The following DENND5A variants were observed in gnomAD, a reference collection of about 807,000 sequenced individuals.
DENND5A encodes DENN domain-containing protein 5A.
A neutral mutation model predicts 140.3 loss-of-function variants in DENND5A; 64 were observed. That is an observed-to-expected ratio of 0.46 (90% confidence interval 0.37 to 0.56). The LOEUF (loss-of-function observed/expected upper bound fraction) is 0.56. Ranked by LOEUF, DENND5A falls within the 20% of genes least tolerant of loss-of-function variation. The pLI is 0.00. For missense variants in DENND5A, 1,292 were observed against 1,593.8 expected (o/e 0.81, Z 3.22); for synonymous variants, 605 against 607.7 (o/e 1.00, Z 0.07).
intron 4 of DENND5A, among the ~76,000 whole-genome samples, chr11:9,200,397 C>A (rs7109911): frequency 2.0e-5 from 3 of 152,032 alleles, no homozygotes; most frequent in African/African-American, 7.2e-5. Flanking sequence ...AGAGGAGGCT[C>A]TAACTTCGTA....
chr11:9,243,062 T>TG (rs370325487), intron 1 of DENND5A, among the ~76,000 whole-genome samples: 7 of 118,984 alleles, frequency 5.9e-5, no homozygotes, highest in African/African-American at 1.6e-4. Context: ...CACTCCAGCC[T>TG]GGGCGACACA....
intron 22 of DENND5A, 56 bp from the exon 23 acceptor site, chr11:9,139,910 G>C (rs1311227096): frequency 1.9e-6 from 3 of 1,549,164 alleles, no homozygotes; most frequent in Non-Finnish European, 2.7e-6. Context: ...AAGGAAGAGA[G>C]AGCGTTAGTG....
In DENND5A at chr11:9,193,926, T is replaced by C. The variant is rs146501525; in HGVS notation, c.950-245A>G. On this transcript the variant is annotated intron_variant, in intron 4 of 22. Coordinates refer to ENST00000328194, the MANE Select transcript of DENND5A (RefSeq NM_015213.4). The stretch of plus-strand genomic sequence containing the variant: ...GGTCCTTGCTCATAATAAAATCTAA[T>C]ATGGAAATACAACAAAAATAATTAA... Among the ~76,000 whole-genome samples the C allele has an allele frequency of 1.2e-4, 19 of 152,232 alleles. No homozygotes were observed. In the East Asian group the frequency reaches 3.5e-3, roughly 28 times the overall value.
chr11:9,247,312 TG>T (rs1174208762), intron 1 of DENND5A, among the ~76,000 whole-genome samples: 1 of 152,020 alleles, frequency 6.6e-6, no homozygotes, highest in African/African-American at 2.4e-5. Context: ...CCTCCTTGCT[TG>T]GCACCCTGCA....
At chr11:9,152,673 A>T (rs1044197440) in intron 12 of DENND5A, among the ~76,000 whole-genome samples, 2 of 152,174 alleles carry the variant, frequency 1.3e-5, no homozygotes, top group African/African-American at 4.8e-5. Context: ...TAGAAAGGAG[A>T]TGGGAAAGAG....
chr11:9,139,948 A>C lies in DENND5A; in HGVS notation c.3681-94T>G. On this transcript the variant is annotated intron_variant, in intron 22 of 22. Coordinates refer to ENST00000328194, the MANE Select transcript of DENND5A (RefSeq NM_015213.4). ...AGGCCAAGGGGGAAACCATGAACTA[A>C]GTCTGAAGCTGGAGAAGCTGACAGC... is the stretch of plus-strand genomic sequence containing the variant. 2.3e-6 allele frequency: 3 copies of C among 1,304,592 alleles called. No individual in the cohort carries two copies. The South Asian group carries it at 4.1e-5, about 18-fold the overall frequency. 80.8% of individuals were successfully genotyped at this position (1,304,592 alleles called of 1,614,324 possible).
intron 1 of DENND5A, among the ~76,000 whole-genome samples, chr11:9,239,121 T>C (rs1447310026): frequency 6.6e-6 from 1 of 152,038 alleles, no homozygotes; most frequent in Admixed American, 6.6e-5. Flanking sequence ...TGTGAGCCAC[T>C]GCGCCCGGCC....
Position 9,264,962 on chromosome 11 carries a change from C to A in DENND5A, c.108G>T (p.Ser36=). ...GCCCCGGGCTCGGCGCGCACTCACCCGACAGCTCGTCCGGCTCCAGCCCGG... is the reference window on the plus strand; with the variant it reads ...GCCCCGGGCTCGGCGCGCACTCACCAGACAGCTCGTCCGGCTCCAGCCCGG... ...TETGLEPDEL[S]ALCQYIQASK... The change falls in exon 1 of 23, where the codon TCG becomes TCT. Residue 36 remains serine, a splice_region_variant and synonymous_variant. Transcript: ENST00000328194. The A allele has an allele frequency of 6.3e-7, 1 of 1,578,532 alleles. No homozygotes were observed. Among genetic ancestry groups the A allele is most frequent in the African/African-American group, 1.4e-5 (1 of 72,624 alleles).
intron 1 of DENND5A, among the ~76,000 whole-genome samples, chr11:9,240,706 T>C (rs1851199886): frequency 6.9e-6 from 1 of 145,218 alleles, no homozygotes; most frequent in African/African-American, 2.5e-5. Context: ...TGAGACCCTG[T>C]CTCAAAACAA....
intron 1 of DENND5A, among the ~76,000 whole-genome samples, chr11:9,251,691 T>C (rs1851726087): frequency 6.6e-6 from 1 of 152,158 alleles, no homozygotes; most frequent in African/African-American, 2.4e-5. Context: ...ACTTAGTAAC[T>C]TTTAAGAACT....
chr11:9,241,223 T>G (rs1029791251), intron 1 of DENND5A, among the ~76,000 whole-genome samples: 1 of 152,306 alleles, frequency 6.6e-6, no homozygotes, highest in East Asian at 1.9e-4. Context: ...TGCAGTCATG[T>G]AGGTGCGTAA....
chr11:9,168,092 ATT>A (rs11285106), intron 10 of DENND5A, among the ~76,000 whole-genome samples: 31 of 141,912 alleles, frequency 2.2e-4, no homozygotes, highest in East Asian at 6.1e-4. Context: ...AACCTCAGTG[ATT>A]TTTTTTTTTT....
At chr11:9,170,017 G>C in intron 9 of DENND5A, 68 bp from the exon 10 acceptor site, 1 of 1,137,336 alleles carries the variant, frequency 8.8e-7, no homozygotes, top group South Asian at 1.2e-5. Flanking sequence ...CAACTAACAG[G>C]AGAAAACATG....
At chr11:9,174,102 C>CAAAAAAAAAAAAAAAA (rs57703622) in intron 8 of DENND5A, among the ~76,000 whole-genome samples, 4 of 42,150 alleles carry the variant, frequency 9.5e-5, no homozygotes, top group Admixed American at 4.3e-4. Flanking sequence ...GACTCCGTCT[C>CAAAAAAAAAAAAAAAA]AAAAAAAAAA....
At chr11:9,143,327 A>T in intron 20 of DENND5A, 76 bp downstream of exon 20, 1 of 1,297,782 alleles carries the variant, frequency 7.7e-7, no homozygotes, top group African/African-American at 1.5e-5. Context: ...GAAGAGCATA[A>T]CAAGATAATC....
At chr11:9,257,984 G>C (rs374883820) in intron 1 of DENND5A, among the ~76,000 whole-genome samples, 3 of 151,340 alleles carry the variant, frequency 2.0e-5, no homozygotes, top group East Asian at 3.9e-4. Context: ...GTAGAGACAG[G>C]GTTTCACCAT....
At chr11:9,232,162 C>T (rs1407560995) in intron 1 of DENND5A, among the ~76,000 whole-genome samples, 1 of 152,010 alleles carries the variant, frequency 6.6e-6, no homozygotes, top group Admixed American at 6.6e-5. Context: ...GAAGAAAACA[C>T]AGAACATCTT....
intron 1 of DENND5A, among the ~76,000 whole-genome samples, chr11:9,255,834 C>T (rs1851920489): frequency 6.6e-6 from 1 of 151,358 alleles, no homozygotes; most frequent in Admixed American, 6.6e-5. Flanking sequence ...CACTGCACTC[C>T]AGCCTGGGCG....
At chr11:9,166,071 CT>C in intron 10 of DENND5A, 104 bp from the exon 11 acceptor site, 87 of 1,010,592 alleles carry the variant, frequency 8.6e-5, no homozygotes, top group East Asian at 1.1e-4. Flanking sequence ...CTCACATTTT[CT>C]TTTTTTTTCT....
Sources: gnomAD v4.1 joint callset for allele counts (sites outside exome capture counted in the v4.1 genomes callset) on GRCh38, gnomAD v4.1.1 for gene constraint, MANE v1.5 for transcripts, NCBI Gene and HGNC (gene_info 2026-07-23, HGNC 2026-07-21) for gene names.